MUC22: variants seen among roughly 807,000 people sequenced by gnomAD.
MUC22 encodes the protein mucin 22, also known as mucin-22.
MUC22 carries 24 observed loss-of-function variants against 40.3 expected under a neutral mutation model. The ratio of observed to expected loss-of-function variants is 0.60; its 90% confidence interval spans 0.43 to 0.84. The LOEUF is 0.84. Ranked by LOEUF, MUC22 falls within the 40% of genes least tolerant of loss-of-function variation. The pLI is 0.00. For synonymous variants in MUC22, 765 were observed against 844.5 expected (o/e 0.91, Z 1.63); for missense variants, 1,926 against 2,130.7 (o/e 0.90, Z 1.89).
chr6:31,028,540 G>A, exon 2 of MUC22: 1 of 1,532,706 alleles, frequency 6.5e-7, no homozygotes, highest in Non-Finnish European at 8.7e-7. Flanking sequence ...GACCACTATG[G>A]CCTCTACCAT....
At chr6:31,026,555 A>G (rs1765372917) in exon 2 of MUC22, 1 of 1,500,712 alleles carries the variant, frequency 6.7e-7, no homozygotes, top group South Asian at 1.2e-5. Flanking sequence ...ATGGGCTCAG[A>G]GACCACCACA....
chr6:31,034,962 A>G (rs780759047), exon 4 of MUC22: 1 of 1,527,380 alleles, frequency 6.5e-7, no homozygotes, highest in South Asian at 1.2e-5. Flanking sequence ...TGGATCACAG[A>G]GGGAGCCACC....
chr6:31,006,362 A>T (rs879148829), upstream of MUC22, among the ~76,000 whole-genome samples: 1 of 152,226 alleles, frequency 6.6e-6, no homozygotes, highest in Non-Finnish European at 1.5e-5. Context: ...ACCATATGAC[A>T]TCCCAGAAAA....
intron 1 of MUC22, among the ~76,000 whole-genome samples, chr6:31,012,127 G>C (rs1763902251): frequency 6.6e-6 from 1 of 152,168 alleles, no homozygotes; most frequent in Non-Finnish European, 1.5e-5. Flanking sequence ...TGAGACACCA[G>C]GTTAATTGGC....
intron 1 of MUC22, among the ~76,000 whole-genome samples, chr6:31,017,400 G>C (rs12204947): frequency 6.6e-6 from 1 of 151,162 alleles, no homozygotes; most frequent in African/African-American, 2.4e-5. Context: ...GTGGGGACTC[G>C]GAGAATCTTT....
At chr6:31,010,430 C>T, upstream of MUC22, 1 of 434,462 alleles carries the variant, frequency 2.3e-6, no homozygotes, top group Non-Finnish European at 4.1e-6. Flanking sequence ...TCTGGCCTCC[C>T]CTACTCAGTA....
chr6:31,021,698 C>T (rs1395103129), intron 1 of MUC22, among the ~76,000 whole-genome samples: 1 of 152,026 alleles, frequency 6.6e-6, no homozygotes, highest in Non-Finnish European at 1.5e-5. Context: ...ACGTGGAGAA[C>T]CTTTGTATGT....
chr6:31,023,076 G>A (rs978858005), intron 1 of MUC22, among the ~76,000 whole-genome samples: 6 of 151,926 alleles, frequency 3.9e-5, no homozygotes, highest in African/African-American at 9.7e-5. Context: ...TTGGCAGTGA[G>A]CTGAGATCCC....
chr6:31,018,722 G>C (rs1212293890), intron 1 of MUC22, among the ~76,000 whole-genome samples: 1 of 152,232 alleles, frequency 6.6e-6, no homozygotes, highest in Non-Finnish European at 1.5e-5. Flanking sequence ...TATTGTCTCT[G>C]AATCCAATGG....
chr6:31,027,109 AC>A lies in MUC22; in HGVS notation c.1680del (p.Ile561Ter). On this transcript the variant is annotated frameshift_variant, in exon 2 of 4. Transcript: ENST00000561890. LOFTEE classifies it high-confidence loss of function. ...GGGCTCTGAGACCACTATGGCCTCT[AC>A]CATAGGCCCTGAGACCACCAAGGTC... 1.3e-6 allele frequency: 2 copies of A among 1,491,492 alleles called. No homozygotes were observed. Among genetic ancestry groups the A allele is most frequent in the Non-Finnish European group, 1.8e-6 (2 of 1,115,820 alleles). 92.4% of individuals were successfully genotyped at this position (1,491,492 alleles called of 1,614,324 possible).
chr6:31,010,891 ATTTTT>A (rs3084544), intron 1 of MUC22, 115 bp downstream of exon 1: 4,466 of 540,050 alleles, frequency 8.3e-3, no homozygotes, highest in Non-Finnish European at 9.7e-3. Flanking sequence ...ATGATGATTC[ATTTTT>A]TTTTTTTTTT....
At position 31,011,765 on chromosome 6, in the gene MUC22, C is replaced by T. The variant is rs1005571787; in HGVS notation, c.70+989C>T. On this transcript the variant is annotated intron_variant, in intron 1 of 3. Coordinates refer to ENST00000561890, the Ensembl canonical transcript of MUC22. The surrounding 1 kb of genome is among the most constrained non-coding windows in gnomAD (Gnocchi z 4.5). ...TTTAGTTCTTTAAGAAATCTCCACA[C>T]TGTTTTCCATAGTGATTGTACTAGT... Among the ~76,000 whole-genome samples the T allele has an allele frequency of 1.3e-5, 2 of 152,212 alleles. No individual in the cohort carries two copies. The highest frequency in any genetic ancestry group is 4.8e-5 in the African/African-American group (2 of 41,454).
At chr6:31,029,500 A>G (rs1765840055) in exon 2 of MUC22, 2 of 1,534,050 alleles carry the variant, frequency 1.3e-6, no homozygotes, top group Non-Finnish European at 1.7e-6. Flanking sequence ...TGAGACCACA[A>G]CAGTCTATAT....
intron 1 of MUC22, among the ~76,000 whole-genome samples, chr6:31,016,961 G>A (rs1475228648): frequency 6.6e-6 from 1 of 152,232 alleles, no homozygotes; most frequent in Admixed American, 6.5e-5. Context: ...CAGCTGCGGA[G>A]GGTGCGCCAG....
At chr6:31,022,365 TTTTGG>T (rs1764896189) in intron 1 of MUC22, among the ~76,000 whole-genome samples, 3 of 151,854 alleles carry the variant, frequency 2.0e-5, no homozygotes, top group Non-Finnish European at 4.4e-5. Context: ...GGGTTCTCAA[TTTTGG>T]TTAGGCTGGT....
At position 31,011,395 on chromosome 6, in the gene MUC22, C is replaced by A. The variant is rs9378151; in HGVS notation, c.70+619C>A. ...CAAAGTCCACTGTATCATTCTCATG[C>A]GTTTGAGTCCTCACAGCTTAGCTCC... On this transcript the variant is annotated intron_variant, in intron 1 of 3. Transcript: ENST00000561890. The surrounding 1 kb of genome is among the most constrained non-coding windows in gnomAD (Gnocchi z 4.5). 0.11 allele frequency among the ~76,000 whole-genome samples: 17,171 copies of A among 152,114 alleles called. 1,259 individuals are homozygous for A. The highest frequency in any genetic ancestry group is 0.33 in the East Asian group (1,687 of 5,164).
At chr6:31,007,314 G>T (rs538185936), upstream of MUC22, among the ~76,000 whole-genome samples, 146 of 152,342 alleles carry the variant, frequency 9.6e-4, 2 homozygotes, top group African/African-American at 3.4e-3. This position sits in a 1 kb window ranked among gnomAD's most constrained non-coding sequence, Gnocchi z 4.0. Flanking sequence ...TTAAGCAGCT[G>T]TAGGAGAGAT....
rs28383828 is a variant in MUC22, at chr6:31,030,578, C to CTTTT, written c.4669+484_4669+487dup. 6.1e-3 allele frequency among the ~76,000 whole-genome samples: 895 copies of CTTTT among 147,802 alleles called. 11 individuals carry two copies. Among genetic ancestry groups the CTTTT allele is most frequent in the African/African-American group, 0.02 (801 of 39,964 alleles). ...AATTGCCTCTACTCTGGTCTCACCT[C>CTTTT]TTTTTTTTTAAGTGCCCACCACTTC... On this transcript the variant is annotated intron_variant, in intron 2 of 3. Coordinates refer to ENST00000561890, the Ensembl canonical transcript of MUC22.
chr6:31,007,422 C>T (rs1339238501), upstream of MUC22, among the ~76,000 whole-genome samples: 1 of 152,170 alleles, frequency 6.6e-6, no homozygotes, highest in Non-Finnish European at 1.5e-5. The surrounding 1 kb of genome is among the most constrained non-coding windows in gnomAD (Gnocchi z 4.0). Context: ...CACAGAAAAT[C>T]TTCTTCTTTT....
Sources: gnomAD v4.1 joint callset for allele counts (sites outside exome capture counted in the v4.1 genomes callset) on GRCh38, gnomAD v4.1.1 for gene constraint, Gnocchi (gnomAD v3.1) non-coding constraint, MANE v1.5 for transcripts, NCBI Gene and HGNC (gene_info 2026-07-23, HGNC 2026-07-21) for gene names.